The following TM9SF3 variants were observed in gnomAD, a reference collection of about 807,000 sequenced individuals.
The protein encoded by TM9SF3 is SM-11044-binding protein.
A neutral mutation model predicts 78.6 loss-of-function variants in TM9SF3; 14 were observed. That is an observed-to-expected ratio of 0.18 (90% confidence interval 0.12 to 0.28). The LOEUF (loss-of-function observed/expected upper bound fraction) is 0.28, where lower values mean the gene tolerates loss of function less well. Among genes scored for constraint, TM9SF3 ranks in the 10% least tolerant of loss-of-function variants. The probability of loss-of-function intolerance (pLI) is 1.00; values close to 1 mark genes in which losing one functional copy is unlikely to be tolerated. For synonymous variants in TM9SF3, 231 were observed against 241.7 expected (o/e 0.96, Z 0.41); for missense variants, 496 against 721.9 (o/e 0.69, Z 3.59).
intron 6 of TM9SF3, 97 bp from the exon 7 acceptor site, chr10:96,551,508 C>A (rs1211644745): frequency 1.2e-6 from 1 of 830,332 alleles, no homozygotes; most frequent in Non-Finnish European, 1.7e-6. Context: ...TTTCCTCCCT[C>A]CAAATTTATA....
Position 96,547,944 on chromosome 10 carries a change from C to T in TM9SF3, c.1005G>A (p.Thr335=), listed in dbSNP as rs772268876. 3.3e-5 allele frequency: 53 copies of T among 1,613,236 alleles called. No individual in the cohort carries two copies. Among genetic ancestry groups the T allele is most frequent in the Middle Eastern group, 1.7e-4 (1 of 6,060 alleles). Residue 335 remains threonine, a synonymous_variant, in exon 8 of 15, where the codon ACG becomes ACA. Transcript: ENST00000371142. The part of the protein sequence containing the change: ...LSTAIFVYAA[T]SPVNGYFGGS... ...CTCCAAAATAACCATTCACTGGAGA[C>T]GTAGCAGCATAGACAAATATGGCTG...
chr10:96,578,515 A>T (rs1315879528), intron 1 of TM9SF3, among the ~76,000 whole-genome samples: 1 of 152,250 alleles, frequency 6.6e-6, no homozygotes, highest in Non-Finnish European at 1.5e-5. Flanking sequence ...TCAGAAAAAC[A>T]ACTGTAGATA....
intron 14 of TM9SF3, among the ~76,000 whole-genome samples, chr10:96,524,013 G>A (rs1847811017): frequency 6.6e-6 from 1 of 151,608 alleles, no homozygotes; most frequent in Admixed American, 6.6e-5. Flanking sequence ...AATGACATAA[G>A]GTCTAAGATT....
At position 96,554,389 on chromosome 10, in the gene TM9SF3, C is replaced by G. The variant is rs192184908; in HGVS notation, c.661-1330G>C. On this transcript the variant is annotated intron_variant, in intron 5 of 14. Transcript: ENST00000371142. ...ACAATACAATCTCACTTTTGCCCCA[C>G]AAAATTTCTCTCAAAGGCCTGCAAT... is the stretch of plus-strand genomic sequence containing the variant. Among the ~76,000 whole-genome samples, 223 of 152,204 alleles carry G rather than the reference C, an allele frequency of 1.5e-3. 1 individual carries two copies. Among genetic ancestry groups the G allele is most frequent in the South Asian group, 4.6e-3 (22 of 4,826 alleles).
At chr10:96,533,873 C>G (rs1458130918) in intron 9 of TM9SF3, among the ~76,000 whole-genome samples, 1 of 152,146 alleles carries the variant, frequency 6.6e-6, no homozygotes, top group Non-Finnish European at 1.5e-5. Flanking sequence ...ACCAAAGTGG[C>G]CAATTAGAAA....
At chr10:96,549,727 T>C (rs529667766) in intron 7 of TM9SF3, among the ~76,000 whole-genome samples, 1 of 150,562 alleles carries the variant, frequency 6.6e-6, no homozygotes, top group East Asian at 2.0e-4. Flanking sequence ...AAAATAACAA[T>C]GCATGACTTG....
chr10:96,552,907 ATAATG>A lies in TM9SF3; in HGVS notation c.792+16_792+20del. The A allele has an allele frequency of 2.0e-6, 3 of 1,506,356 alleles. No homozygotes were observed. The highest frequency in any genetic ancestry group is 1.8e-4 in the Middle Eastern group (1 of 5,658). 93.3% of individuals were successfully genotyped at this position (1,506,356 alleles called of 1,614,324 possible). On this transcript the variant is annotated intron_variant, in intron 6 of 14. Coordinates refer to ENST00000371142, the MANE Select transcript of TM9SF3 (RefSeq NM_020123.4). ...ACTCAGTTAAAATGTTTCTACAAAT[ATAATG>A]TAAATGTTTACTCACCATATCATCC...
At position 96,551,429 on chromosome 10, in the gene TM9SF3, T is replaced by G. The variant is rs189750847; in HGVS notation, c.793-18A>C. Reference sequence around the variant, plus strand: ...TCTCTATCCTATATACAAATATATATATAGAGAGAGAAAAGCAAATCATTC... The same window carrying G: ...TCTCTATCCTATATACAAATATATAGATAGAGAGAGAAAAGCAAATCATTC... On this transcript the variant is annotated intron_variant, in intron 6 of 14. Transcript: ENST00000371142. 1.5e-5 allele frequency: 22 copies of G among 1,492,976 alleles called. No homozygotes were observed. In the African/African-American group the frequency reaches 2.1e-4, roughly 14 times the overall value. 92.5% of individuals were successfully genotyped at this position (1,492,976 alleles called of 1,614,324 possible).
Position 96,571,083 on chromosome 10 carries a change from T to G in TM9SF3, c.298+5551A>C, listed in dbSNP as rs1426634387. On this transcript the variant is annotated intron_variant, in intron 2 of 14. Transcript: ENST00000371142. ...CAAATTTTTAGGAAATGGAAAACGG[T>G]TGTAAGATGACAAACTACTAATAAA... Among the ~76,000 whole-genome samples, 5 of 152,140 alleles carry G rather than the reference T, an allele frequency of 3.3e-5. No homozygotes were observed. The South Asian group carries it at 1.0e-3, about 32-fold the overall frequency.
intron 9 of TM9SF3, among the ~76,000 whole-genome samples, chr10:96,534,957 T>C (rs1847939074): frequency 1.3e-5 from 2 of 152,180 alleles, no homozygotes; most frequent in South Asian, 4.1e-4. Context: ...TGGTCTTTTA[T>C]TCTATCTCCT....
rs150892649 is a variant in TM9SF3 at position 96,544,214 on chromosome 10, G to GA, written c.1055-9dup. On this transcript the variant is annotated splice_polypyrimidine_tract_variant and intron_variant, in intron 8 of 14. Coordinates refer to ENST00000371142, the MANE Select transcript of TM9SF3 (RefSeq NM_020123.4). ...GCTTTATCCATCTCCTTCCTGAAAA[G>GA]AAAGGAAACTATGAAAGTTTAATAT... The GA allele has an allele frequency of 0.031, 48,177 of 1,560,290 alleles. 891 individuals are homozygous for GA. The highest frequency in any genetic ancestry group is 0.036 in the Non-Finnish European group (41,817 of 1,160,520).
At position 96,551,295 on chromosome 10, in the gene TM9SF3, A is replaced by C; in HGVS notation, c.909T>G (p.Ala303=). 1 of 1,612,956 alleles carries C rather than the reference A, an allele frequency of 6.2e-7. No homozygotes were observed. The highest frequency in any genetic ancestry group is 8.5e-7 in the Non-Finnish European group (1 of 1,179,636). ...CAACAATAATAACGATGAGAGACAC[A>C]GCAAATATCTGACATCCAGAACCAA... ...SLIGSGCQIF[A]VSLIVIIVAM... Residue 303 remains alanine (A), a synonymous_variant, in exon 7 of 15, where the codon GCT becomes GCG. Coordinates refer to ENST00000371142, the MANE Select transcript of TM9SF3 (RefSeq NM_020123.4).
chr10:96,574,394 G>C (rs965584830), intron 2 of TM9SF3, among the ~76,000 whole-genome samples: 2 of 152,202 alleles, frequency 1.3e-5, no homozygotes, highest in Non-Finnish European at 2.9e-5. Flanking sequence ...ATACCAGTTA[G>C]AATGGCGATC....
intron 6 of TM9SF3, among the ~76,000 whole-genome samples, chr10:96,552,007 A>G (rs1437825066): frequency 6.6e-6 from 1 of 152,190 alleles, no homozygotes; most frequent in Non-Finnish European, 1.5e-5. Context: ...GCTTGTTTCT[A>G]AAACAATATT....
At chr10:96,532,435 G>T (rs1354955640) in intron 10 of TM9SF3, among the ~76,000 whole-genome samples, 2 of 151,844 alleles carry the variant, frequency 1.3e-5, no homozygotes, top group Admixed American at 1.3e-4. Context: ...ACCTGAATAT[G>T]CTGTATTTAT....
chr10:96,565,398 T>C lies in TM9SF3; in HGVS notation c.327A>G (p.Glu109=). ...KDDVMPATYC[E]IDLDKEKRDA... ...CTCTCTTTTCTTTATCTAAATCAAT[T>C]TCACAGTAAGTGGCTGGCATCACAT... Residue 109 remains glutamate (E), a synonymous_variant, in exon 3 of 15, where the codon GAA becomes GAG. Transcript: ENST00000371142. 6.4e-7 allele frequency: 1 copy of C among 1,556,618 alleles called. No homozygotes were observed. The highest frequency in any genetic ancestry group is 8.6e-7 in the Non-Finnish European group (1 of 1,161,040).
At position 96,522,323 on chromosome 10, in the gene TM9SF3, A is replaced by C; in HGVS notation, c.1710T>G (p.Ile570Met). 1 of 1,580,064 alleles carries C rather than the reference A, an allele frequency of 6.3e-7. No homozygotes were observed. Among genetic ancestry groups the C allele is most frequent in the Non-Finnish European group, 8.6e-7 (1 of 1,168,526 alleles). ...STALGIMCGA[I>M]GYMGTSAFVR... ...CAAAGGCACTTGTTCCCATGTAACC[A>C]ATCGCTCCTGCAAAGATAAAATAAG... Residue 570 changes from isoleucine (I) to methionine (M), a missense_variant, in exon 15 of 15, where the codon ATT (isoleucine) becomes ATG (methionine). This residue lies in a region of TM9SF3 where 280 missense variants were observed against 422.6 expected (regional missense o/e 0.66). Transcript: ENST00000371142.
At chr10:96,545,574 CT>C (rs922794233) in intron 8 of TM9SF3, among the ~76,000 whole-genome samples, 2 of 152,194 alleles carry the variant, frequency 1.3e-5, no homozygotes, top group African/African-American at 4.8e-5. Flanking sequence ...TTTCCACTAT[CT>C]TCTCAGATTC....
At chr10:96,558,987 T>TGTACAA (rs139812112) in intron 5 of TM9SF3, among the ~76,000 whole-genome samples, 1 of 152,260 alleles carries the variant, frequency 6.6e-6, no homozygotes, top group African/African-American at 2.4e-5. Flanking sequence ...CAAAACTACC[T>TGTACAA]GTACAAAACC....
Sources: gnomAD v4.1 joint callset for allele counts (sites outside exome capture counted in the v4.1 genomes callset) on GRCh38, gnomAD v4.1.1 for gene constraint, gnomAD v4.1.1 regional missense constraint, MANE v1.5 for transcripts, NCBI Gene and HGNC (gene_info 2026-07-23, HGNC 2026-07-21) for gene names.